Variants in OTOG observed in about 807,000 individuals in gnomAD.
The protein encoded by OTOG is otogelin.
In OTOG, 296 loss-of-function variants were observed where a neutral mutation model predicts 313.8. The ratio of observed to expected loss-of-function variants is 0.94; its 90% confidence interval spans 0.86 to 1.04. The LOEUF (loss-of-function observed/expected upper bound fraction) is 1.04. OTOG is among the 50% of genes least tolerant of loss of function. The pLI, the probability that OTOG is intolerant of heterozygous loss-of-function variation, is 0.00. For missense variants in OTOG, 3,948 were observed against 3,840.1 expected (o/e 1.03, Z -0.74); for synonymous variants, 1,533 against 1,554.9 (o/e 0.99, Z 0.33).
intron 7 of OTOG, 141 bp from the exon 8 acceptor site, chr11:17,556,977 C>G (rs1205245990): frequency 2.6e-6 from 2 of 780,152 alleles, no homozygotes; most frequent in Non-Finnish European, 4.1e-6. Context: ...TACTTCCAGG[C>G]ACCTGGGAAT....
Position 17,609,156 on chromosome 11 carries a change from C to A in OTOG, c.4301C>A (p.Pro1434His), listed in dbSNP as rs760901073. ...PRVEGCVPVC[P>H]TPQVLDEVTQ... Reference sequence around the variant, plus strand: ...GTAGAAGGCTGTGTCCCTGTGTGCCCCACCCCCCAGGTCCTGGATGAAGTC... The same window carrying A: ...GTAGAAGGCTGTGTCCCTGTGTGCCACACCCCCCAGGTCCTGGATGAAGTC... The change falls in exon 35 of 56, where the codon CCC becomes CAC. Residue 1434 changes from proline to histidine, a missense_variant. By Grantham distance (77) the Pro-to-His change is moderately conservative (BLOSUM62 -2). Transcript: ENST00000399397. The A allele has an allele frequency of 6.4e-7, 1 of 1,550,530 alleles. No individual in the cohort carries two copies. The highest frequency in any genetic ancestry group is 1.2e-5 in the South Asian group (1 of 84,062).
chr11:17,581,625 C>G (rs745723431), intron 23 of OTOG, among the ~76,000 whole-genome samples: 1 of 152,028 alleles, frequency 6.6e-6, no homozygotes, highest in Non-Finnish European at 1.5e-5. Flanking sequence ...GGAAGTGTTG[C>G]GTAATTTATA....
chr11:17,633,314 A>C (rs993295360), intron 42 of OTOG, among the ~76,000 whole-genome samples: 4 of 152,270 alleles, frequency 2.6e-5, no homozygotes, highest in Non-Finnish European at 5.9e-5. Context: ...TTTTCGGTAA[A>C]GAGCCAGAAA....
At chr11:17,552,482 C>G (rs896491138) in intron 4 of OTOG, among the ~76,000 whole-genome samples, 2 of 151,820 alleles carry the variant, frequency 1.3e-5, no homozygotes, top group Non-Finnish European at 2.9e-5. Flanking sequence ...CTCACCTGTC[C>G]TAGGTCTGTG....
intron 32 of OTOG, 140 bp from the exon 33 acceptor site, chr11:17,605,716 TG>T: frequency 1.1e-6 from 1 of 891,146 alleles, no homozygotes; most frequent in Non-Finnish European, 1.6e-6. Flanking sequence ...GGCTGGGGGC[TG>T]GTGTAGGGGG....
chr11:17,547,723 G>A (rs920122422), intron 1 of OTOG, among the ~76,000 whole-genome samples: 14 of 152,078 alleles, frequency 9.2e-5, no homozygotes, highest in African/African-American at 2.9e-4. Flanking sequence ...AGAGCTGGGG[G>A]CCAAAGACTG....
chr11:17,571,739 G>A (rs911648740), intron 17 of OTOG, among the ~76,000 whole-genome samples: 2 of 152,094 alleles, frequency 1.3e-5, no homozygotes, highest in African/African-American at 2.4e-5. Context: ...TTTGGGACCT[G>A]TTAAATGTTG....
At chr11:17,607,581 C>T (rs955444758) in intron 33 of OTOG, among the ~76,000 whole-genome samples, 2 of 152,198 alleles carry the variant, frequency 1.3e-5, no homozygotes, top group East Asian at 1.9e-4. Flanking sequence ...TGAGTAAATC[C>T]GTGTGAGATA....
chr11:17,580,984 A>C (rs1260967992), intron 23 of OTOG, among the ~76,000 whole-genome samples: 1 of 152,198 alleles, frequency 6.6e-6, no homozygotes, highest in African/African-American at 2.4e-5. Flanking sequence ...AGGGACAAAG[A>C]GAGAAGAGTG....
At chr11:17,588,290 A>G (rs1027462337) in intron 24 of OTOG, among the ~76,000 whole-genome samples, 6 of 152,202 alleles carry the variant, frequency 3.9e-5, no homozygotes, top group African/African-American at 4.8e-5. Flanking sequence ...CCCAGATTCC[A>G]GCTGCTCTCC....
intron 34 of OTOG, 27 bp from the exon 35 acceptor site, chr11:17,609,103 T>G: frequency 1.3e-6 from 2 of 1,541,148 alleles, no homozygotes; most frequent in Middle Eastern, 1.7e-4. Flanking sequence ...TTTCAGGCCT[T>G]TAAACTGCTC....
Position 17,596,134 on chromosome 11 carries a change from T to A in OTOG, c.3505T>A (p.Phe1169Ile). ...KECSILLSEVFEICHPVVDVT... is the reference protein window; with the variant it reads ...KECSILLSEVIEICHPVVDVT... ...GTGCAGCATCCTGCTCAGTGAGGTG[T>A]TTGAGATCTGCCACCCTGTGGTGAG... Residue 1169 changes from phenylalanine (F) to isoleucine (I), a missense_variant, in exon 29 of 56, where the codon TTT (phenylalanine) becomes ATT (isoleucine). By Grantham distance (21) the Phe-to-Ile change is conservative. Transcript: ENST00000399397. 1 of 1,550,338 alleles carries A rather than the reference T, an allele frequency of 6.5e-7. No homozygotes were observed. Among genetic ancestry groups the A allele is most frequent in the Non-Finnish European group, 8.7e-7 (1 of 1,146,786 alleles).
chr11:17,640,903 G>A lies in OTOG; in HGVS notation c.8012-10G>A. ...CTGGATGACTGTTGCCGCCCTGCAT[G>A]CCCATCCAGTGAAGGCCCCGGTGTG... On this transcript the variant is annotated splice_polypyrimidine_tract_variant and intron_variant, in intron 50 of 55. Coordinates refer to ENST00000399397, the MANE Select transcript of OTOG (RefSeq NM_001292063.2). 6.5e-7 allele frequency: 1 copy of A among 1,548,724 alleles called. No individual in the cohort carries two copies. The highest frequency in any genetic ancestry group is 8.7e-7 in the Non-Finnish European group (1 of 1,146,844).
At chr11:17,580,615 G>A (rs986530618) in intron 23 of OTOG, among the ~76,000 whole-genome samples, 1 of 152,212 alleles carries the variant, frequency 6.6e-6, no homozygotes, top group Non-Finnish European at 1.5e-5. Flanking sequence ...AATGGATGGT[G>A]GGCAACAGAG....
chr11:17,638,526 G>A lies in OTOG; in HGVS notation c.7871G>A (p.Arg2624His), dbSNP rs890211812. ...CTGGTGGAGGTGTGGAGCCCCGACC[G>A]CTGCTGCCCCTACAAATCCTGTGGT... is the stretch of plus-strand genomic sequence containing the variant. ...TALVEVWSPD[R>H]CCPYKSCECD... is the part of the protein sequence containing the mutation. The change falls in exon 48 of 56, where the codon CGC (arginine) becomes CAC (histidine). Residue 2624 changes from arginine (R) to histidine (H), a missense_variant. Arg to His is a conservative substitution (Grantham distance 29). Transcript: ENST00000399397. 15 of 1,550,242 alleles carry A rather than the reference G, an allele frequency of 9.7e-6. No individual in the cohort carries two copies. The highest frequency in any genetic ancestry group is 4.9e-5 in the East Asian group (2 of 40,922).
At position 17,603,697 on chromosome 11, in the gene OTOG, G is replaced by A. The variant is rs188443692; in HGVS notation, c.3877+1320G>A. 5.9e-5 allele frequency among the ~76,000 whole-genome samples: 9 copies of A among 152,310 alleles called. No individual in the cohort carries two copies. In the East Asian group the frequency reaches 1.5e-3, roughly 26 times the overall value. On this transcript the variant is annotated intron_variant, in intron 32 of 55. Coordinates refer to ENST00000399397, the MANE Select transcript of OTOG (RefSeq NM_001292063.2). Reference sequence around the variant, plus strand: ...CTTCCAGGTGGGACCTAGGGTGGCTGCATGGAGGAGGTGTCCCTTGAGTTG... The same window carrying A: ...CTTCCAGGTGGGACCTAGGGTGGCTACATGGAGGAGGTGTCCCTTGAGTTG...
At chr11:17,593,350 G>A in intron 26 of OTOG, 23 bp downstream of exon 26, 2 of 1,549,980 alleles carry the variant, frequency 1.3e-6, no homozygotes, top group Non-Finnish European at 1.7e-6. Context: ...GCCTGTGAAG[G>A]TTGTGTAGAC....
At chr11:17,561,572 G>T (rs1189947020) in intron 14 of OTOG, 90 bp from the exon 15 acceptor site, 4 of 1,337,048 alleles carry the variant, frequency 3.0e-6, no homozygotes, top group Non-Finnish European at 2.1e-6. Context: ...TGGAGGGCAG[G>T]GTGCTGTGTC....
At chr11:17,577,645 G>C (rs930853088) in intron 22 of OTOG, among the ~76,000 whole-genome samples, 5 of 152,106 alleles carry the variant, frequency 3.3e-5, no homozygotes, top group African/African-American at 1.2e-4. Context: ...TCCTCCCCAT[G>C]TTTTGTGTAT....
Sources: gnomAD v4.1 joint callset for allele counts (sites outside exome capture counted in the v4.1 genomes callset) on GRCh38, gnomAD v4.1.1 for gene constraint, MANE v1.5 for transcripts, NCBI Gene and HGNC (gene_info 2026-07-23, HGNC 2026-07-21) for gene names.